APBB2: variants seen among roughly 807,000 people sequenced by gnomAD.
APBB2 encodes the protein amyloid beta precursor protein binding family B member 2, also known as Fe65-like 1.
In APBB2, 38 loss-of-function variants were observed where a neutral mutation model predicts 82.5. The ratio of observed to expected loss-of-function variants is 0.46; its 90% CI spans 0.36 to 0.60. The LOEUF is 0.60. Ranked by LOEUF, APBB2 falls within the 20% of genes least tolerant of loss-of-function variation. APBB2 has a pLI of 0.00. For missense variants in APBB2, 772 were observed against 972.3 expected (o/e 0.79, Z 2.74); for synonymous variants, 341 against 368.2 (o/e 0.93, Z 0.85).
At position 41,013,626 on chromosome 4, in the gene APBB2, C is replaced by T. The variant is rs139168127; in HGVS notation, c.792G>A (p.Thr264=). 5.8e-5 allele frequency: 94 copies of T among 1,614,210 alleles called. 1 individual carries two copies. The African/African-American group carries it at 8.8e-4, about 15-fold the overall frequency. Reference sequence around the variant, plus strand: ...TGGGTGAGGCACTGTCTTGGGACAACGTTGTCCAGCTGGACTCCTCATCGC... The same window carrying T: ...TGGGTGAGGCACTGTCTTGGGACAATGTTGTCCAGCTGGACTCCTCATCGC... ...APSDEESSWT[T]LSQDSASPSS... is the part of the protein sequence containing the mutation. The change falls in exon 6 of 18, where the codon ACG becomes ACA. Residue 264 remains threonine (T), a synonymous_variant. Coordinates refer to ENST00000508593, the MANE Select transcript of APBB2 (RefSeq NM_004307.2).
At chr4:41,154,470 A>G (rs1413921557) in intron 1 of APBB2, among the ~76,000 whole-genome samples, 1 of 152,206 alleles carries the variant, frequency 6.6e-6, no homozygotes, top group African/African-American at 2.4e-5. Flanking sequence ...CTGAACGAGT[A>G]AAGAAACTAC....
At chr4:40,898,880 C>CAG (rs35370837) in intron 10 of APBB2, among the ~76,000 whole-genome samples, 74,199 of 149,446 alleles carry the variant, frequency 0.5, 20,047 homozygotes, top group East Asian at 0.65. Flanking sequence ...CACACACACA[C>CAG]AGAACACTGG....
chr4:41,101,439 C>T (rs1388074109), intron 2 of APBB2, among the ~76,000 whole-genome samples: 7 of 121,770 alleles, frequency 5.7e-5, no homozygotes, highest in Non-Finnish European at 9.5e-5. Context: ...AGTCCGCAGT[C>T]CGACCTGGGC....
intron 10 of APBB2, among the ~76,000 whole-genome samples, chr4:40,923,716 A>T (rs1004950390): frequency 2.0e-5 from 3 of 152,156 alleles, no homozygotes; most frequent in Admixed American, 6.5e-5. Context: ...TAGCTTTTCC[A>T]GGCATCTGCC....
rs56391642 is a variant in APBB2 at position 41,212,085 on chromosome 4, C to T, written c.-417+2320G>A. On this transcript the variant is annotated intron_variant, in intron 1 of 17. Coordinates refer to ENST00000508593, the MANE Select transcript of APBB2 (RefSeq NM_004307.2). ...TCATTATTCTAATATTATGACAAGG[C>T]TTTCAGTATTCATTCCTGTGGTAAC... Among the ~76,000 whole-genome samples, 1,428 of 152,234 alleles carry T rather than the reference C, an allele frequency of 9.4e-3. 15 individuals are homozygous for T. Among genetic ancestry groups the T allele is most frequent in the African/African-American group, 0.032 (1,348 of 41,524 alleles).
chr4:41,012,557 A>C (rs1340534357), intron 6 of APBB2, among the ~76,000 whole-genome samples: 3 of 152,212 alleles, frequency 2.0e-5, no homozygotes, highest in Admixed American at 6.5e-5. Flanking sequence ...AGGGCACTTC[A>C]AAAACGCTAC....
intron 12 of APBB2, among the ~76,000 whole-genome samples, chr4:40,859,438 CAAGT>C (rs1477490023): frequency 6.6e-6 from 1 of 152,096 alleles, no homozygotes; most frequent in Non-Finnish European, 1.5e-5. Context: ...TTCCTGGCCT[CAAGT>C]AATCTGCCCA....
chr4:40,973,070 AC>A (rs1796343987), intron 6 of APBB2, among the ~76,000 whole-genome samples: 3 of 152,226 alleles, frequency 2.0e-5, no homozygotes, highest in Admixed American at 2.0e-4. Context: ...AATGACATAT[AC>A]ATACCCCTTT....
At chr4:41,035,992 C>A (rs1176377725) in intron 4 of APBB2, among the ~76,000 whole-genome samples, 1 of 151,984 alleles carries the variant, frequency 6.6e-6, no homozygotes, top group African/African-American at 2.4e-5. Flanking sequence ...GACCCTATCT[C>A]TACAAAACAT....
intron 3 of APBB2, among the ~76,000 whole-genome samples, chr4:41,090,341 T>C (rs943909532): frequency 1.3e-5 from 2 of 152,250 alleles, no homozygotes; most frequent in African/African-American, 2.4e-5. Context: ...CGAAGGATGC[T>C]AGATTCCCTA....
chr4:40,902,679 G>A (rs564906467), intron 10 of APBB2, among the ~76,000 whole-genome samples: 34 of 152,238 alleles, frequency 2.2e-4, no homozygotes, highest in African/African-American at 8.2e-4. Flanking sequence ...GACTACAGGT[G>A]CCTACCACAC....
At chr4:41,075,890 A>T (rs1367716642) in intron 3 of APBB2, among the ~76,000 whole-genome samples, 2 of 152,196 alleles carry the variant, frequency 1.3e-5, no homozygotes, top group African/African-American at 4.8e-5. Context: ...GTATAGAGTG[A>T]TCAAATGAAC....
chr4:40,939,059 T>C (rs1786141416), intron 7 of APBB2, among the ~76,000 whole-genome samples: 1 of 152,176 alleles, frequency 6.6e-6, no homozygotes, highest in Admixed American at 6.5e-5. Flanking sequence ...CACTCAGGGC[T>C]CTGCAGAGAG....
At chr4:40,975,303 C>T (rs968585633) in intron 6 of APBB2, among the ~76,000 whole-genome samples, 2 of 152,146 alleles carry the variant, frequency 1.3e-5, no homozygotes, top group African/African-American at 4.8e-5. Context: ...TGAACGTGTT[C>T]CAGTATATGG....
chr4:41,021,975 C>T (rs1711719077), intron 5 of APBB2, among the ~76,000 whole-genome samples: 1 of 152,122 alleles, frequency 6.6e-6, no homozygotes, highest in African/African-American at 2.4e-5. Context: ...ACCATGAACC[C>T]ACTGGAAGAA....
chr4:40,890,180 G>A (rs1771555544), intron 12 of APBB2, 184 bp downstream of exon 12: 1 of 716,576 alleles, frequency 1.4e-6, no homozygotes, highest in Non-Finnish European at 2.1e-6. Flanking sequence ...CAGAAACCAG[G>A]AAGGGAAGCA....
At chr4:41,023,916 C>A (rs906324777) in intron 5 of APBB2, among the ~76,000 whole-genome samples, 4 of 152,172 alleles carry the variant, frequency 2.6e-5, no homozygotes, top group Non-Finnish European at 4.4e-5. Context: ...CCTCATGTTA[C>A]CCAACTTCAA....
intron 6 of APBB2, among the ~76,000 whole-genome samples, chr4:40,965,142 AT>A (rs897534047): frequency 6.6e-6 from 1 of 151,848 alleles, no homozygotes; most frequent in Admixed American, 6.6e-5. Context: ...AAAAAAAAAA[AT>A]GGTTGACTAT....
At chr4:40,971,677 A>G (rs1162192617) in intron 6 of APBB2, among the ~76,000 whole-genome samples, 1 of 152,240 alleles carries the variant, frequency 6.6e-6, no homozygotes, top group Non-Finnish European at 1.5e-5. Flanking sequence ...TGAAGGAGTT[A>G]ATATCTCTAA....
Sources: gnomAD v4.1 joint callset for allele counts (sites outside exome capture counted in the v4.1 genomes callset) on GRCh38, gnomAD v4.1.1 for gene constraint, MANE v1.5 for transcripts, NCBI Gene and HGNC (gene_info 2026-07-23, HGNC 2026-07-21) for gene names.